LAMA3: variants seen among roughly 807,000 people sequenced by gnomAD.
The protein encoded by LAMA3 is laminin subunit alpha 3, also known as laminin subunit alpha-3.
Under a neutral mutation model 402.0 loss-of-function variants are expected in LAMA3, and 281 were observed. The observed-to-expected ratio is 0.70, with a 90% CI of 0.63 to 0.77. LAMA3 has a LOEUF of 0.77. Among genes scored for constraint, LAMA3 ranks in the 30% least tolerant of loss-of-function variants. The probability of loss-of-function intolerance (pLI) is 0.00; values close to 1 mark genes in which losing one functional copy is unlikely to be tolerated. For synonymous variants in LAMA3, 1,431 were observed against 1,558.4 expected (o/e 0.92, Z 1.93); for missense variants, 3,840 against 4,215.5 (o/e 0.91, Z 2.47).
At position 23,792,754 on chromosome 18, in the gene LAMA3, G is replaced by A. The variant is rs112268364; in HGVS notation, c.1603+8597G>A. On this transcript the variant is annotated intron_variant, in intron 12 of 74. Coordinates refer to ENST00000313654, the MANE Select transcript of LAMA3 (RefSeq NM_198129.4). The stretch of plus-strand genomic sequence containing the variant: ...GCATTGGGAATGGCCTGTACTTAGT[G>A]TACTGGGGCAAGGGATGTGTAGGTG... Among the ~76,000 whole-genome samples the A allele has an allele frequency of 2.2e-3, 340 of 152,266 alleles. 1 individual carries two copies. The highest frequency in any genetic ancestry group is 7.5e-3 in the African/African-American group (311 of 41,550).
chr18:23,953,292 T>A (rs986030572), intron 74 of LAMA3, among the ~76,000 whole-genome samples, 183 bp downstream of exon 74: 14 of 151,376 alleles, frequency 9.2e-5, no homozygotes, highest in African/African-American at 3.2e-4. Flanking sequence ...GCCCCATTAC[T>A]GCTGTTGCCC....
intron 12 of LAMA3, chr18:23,796,077 C>G (rs757744981): frequency 4.5e-6 from 2 of 446,858 alleles, no homozygotes; most frequent in Non-Finnish European, 9.0e-6. Flanking sequence ...TCAGCAGAAA[C>G]TGAACCAGCC....
chr18:23,698,293 G>A (rs893829717), intron 1 of LAMA3, among the ~76,000 whole-genome samples: 8 of 143,604 alleles, frequency 5.6e-5, no homozygotes, highest in East Asian at 2.2e-4. Context: ...TGCGAGCTCC[G>A]CCTCCCGGGT....
chr18:23,894,437 A>G, intron 43 of LAMA3, 89 bp downstream of exon 43: 7 of 1,160,828 alleles, frequency 6.0e-6, no homozygotes, highest in Admixed American at 1.7e-5. Context: ...TGCAGTTTCC[A>G]GTCTGGGAAA....
In LAMA3 at chr18:23,882,179, GAA is replaced by G. The variant is rs1190962180; in HGVS notation, c.5222+137_5222+138del. 4.3e-6 allele frequency: 3 copies of G among 703,774 alleles called. No individual in the cohort carries two copies. In the African/African-American group the frequency reaches 5.2e-5, roughly 12 times the overall value. The allele number at this position is 703,774 out of a possible 1,614,324, so 43.6% of individuals were successfully genotyped here. A position where few individuals can be genotyped will look rare whatever the true frequency, so the allele number is the denominator to read the frequency against. ...GTCTGGGATTTCTTTTTGAAGGGAT[GAA>G]AACATTTTCAAATTGATTGTGGTGG... On this transcript the variant is annotated intron_variant, in intron 40 of 74. Coordinates refer to ENST00000313654, the MANE Select transcript of LAMA3 (RefSeq NM_198129.4).
chr18:23,706,529 T>TC (rs750378724), intron 1 of LAMA3, among the ~76,000 whole-genome samples: 5 of 152,318 alleles, frequency 3.3e-5, no homozygotes, highest in Non-Finnish European at 7.3e-5. Flanking sequence ...TCTGCCTTGA[T>TC]CACTAATGAT....
intron 1 of LAMA3, among the ~76,000 whole-genome samples, chr18:23,692,302 T>C (rs1049613471): frequency 5.9e-5 from 9 of 152,214 alleles, no homozygotes; most frequent in Non-Finnish European, 1.3e-4. Flanking sequence ...ACGAAGTCTC[T>C]CTCGTCTCTC....
At chr18:23,900,570 A>G (rs2081038552) in intron 47 of LAMA3, among the ~76,000 whole-genome samples, 1 of 152,244 alleles carries the variant, frequency 6.6e-6, no homozygotes, top group African/African-American at 2.4e-5. Context: ...AACAGAATAC[A>G]TCAAAAGGTT....
intron 2 of LAMA3, among the ~76,000 whole-genome samples, chr18:23,716,718 G>A (rs1229502623): frequency 6.6e-6 from 1 of 152,180 alleles, no homozygotes; most frequent in East Asian, 1.9e-4. Context: ...TATGCATAAG[G>A]CCTGTGTCCA....
intron 63 of LAMA3, 138 bp downstream of exon 63, chr18:23,928,378 T>C: frequency 2.7e-6 from 2 of 751,708 alleles, no homozygotes; most frequent in Non-Finnish European, 4.7e-6. Context: ...ACTCCCCATG[T>C]GCTTGCAAGA....
At chr18:23,734,369 C>T (rs1249555259) in intron 2 of LAMA3, among the ~76,000 whole-genome samples, 2 of 152,232 alleles carry the variant, frequency 1.3e-5, no homozygotes, top group African/African-American at 4.8e-5. Context: ...CAGCCTCCAT[C>T]AGTTTGTGTC....
intron 2 of LAMA3, among the ~76,000 whole-genome samples, chr18:23,722,241 C>T (rs1222276078): frequency 6.6e-6 from 1 of 152,192 alleles, no homozygotes; most frequent in Admixed American, 6.5e-5. Flanking sequence ...TGGCTATCTT[C>T]TTTCTGAGAT....
chr18:23,828,426 A>G (rs1598873827), intron 23 of LAMA3, among the ~76,000 whole-genome samples: 1 of 152,186 alleles, frequency 6.6e-6, no homozygotes, highest in African/African-American at 2.4e-5. Flanking sequence ...AACCTAAATG[A>G]TCTTCCCTCT....
chr18:23,826,770 A>G lies in LAMA3; in HGVS notation c.2640A>G (p.Pro880=). 1.3e-6 allele frequency: 2 copies of G among 1,566,418 alleles called. No homozygotes were observed. The highest frequency in any genetic ancestry group is 1.7e-6 in the Non-Finnish European group (2 of 1,153,760). The stretch of plus-strand genomic sequence containing the variant: ...TACTGCAGCTGCCAGTCACAGAACC[A>G]TGTGCCTACGCAGGACCTCCCCAAG... The part of the protein sequence containing the change: ...ASVLQLPVTE[P]CAYAGPPQEN... Residue 880 remains proline (P), a synonymous_variant, in exon 22 of 75, where the codon CCA becomes CCG. Coordinates refer to ENST00000313654, the MANE Select transcript of LAMA3 (RefSeq NM_198129.4).
chr18:23,901,062 G>A lies in LAMA3; in HGVS notation c.6005-65G>A. 4 of 1,423,926 alleles carry A rather than the reference G, an allele frequency of 2.8e-6. No individual in the cohort carries two copies. The South Asian group carries it at 4.7e-5, about 17-fold the overall frequency. The allele number at this position is 1,423,926 out of a possible 1,614,324, so 88.2% of individuals were successfully genotyped here. A position where few individuals can be genotyped will look rare whatever the true frequency, so the allele number is the denominator to read the frequency against. On this transcript the variant is annotated intron_variant, in intron 47 of 74. Transcript: ENST00000313654. ...GTAGAAACTCGATTCTCCCTTTGTA[G>A]TTTTTATAACCCAGCTTCAGTATGC... is the stretch of plus-strand genomic sequence containing the variant.
chr18:23,748,074 C>G lies in LAMA3; in HGVS notation c.565+14C>G, dbSNP rs755665201. ...AATATTTTGCTCGTAAGTAATCTTGCCTACCATGTTATGCATGGCTTTAAT... is the reference window on the plus strand; with the variant it reads ...AATATTTTGCTCGTAAGTAATCTTGGCTACCATGTTATGCATGGCTTTAAT... On this transcript the variant is annotated intron_variant, in intron 3 of 74. Coordinates refer to ENST00000313654, the MANE Select transcript of LAMA3 (RefSeq NM_198129.4). The G allele has an allele frequency of 7.3e-7, 1 of 1,363,922 alleles. No homozygotes were observed. 84.5% of individuals were successfully genotyped at this position (1,363,922 alleles called of 1,614,324 possible).
chr18:23,847,401 G>C, intron 31 of LAMA3, 63 bp from the exon 32 acceptor site: 1 of 1,539,186 alleles, frequency 6.5e-7, no homozygotes, highest in Admixed American at 1.7e-5. Flanking sequence ...GCAGTTGGTG[G>C]AGTGCTGCTG....
chr18:23,941,384 T>C (rs569197506), intron 68 of LAMA3, among the ~76,000 whole-genome samples: 2 of 139,042 alleles, frequency 1.4e-5, no homozygotes, highest in Admixed American at 1.6e-4. Context: ...AGTTACCAAC[T>C]TCTAACGATT....
chr18:23,767,878 A>G (rs1342031969), intron 8 of LAMA3, among the ~76,000 whole-genome samples: 4 of 152,070 alleles, frequency 2.6e-5, no homozygotes, highest in Non-Finnish European at 4.4e-5. Flanking sequence ...TGGCAAGGAA[A>G]GGTCTTTCTA....
Sources: allele counts gnomAD v4.1 joint callset (sites outside exome capture counted in the v4.1 genomes callset), GRCh38; gene constraint gnomAD v4.1.1; transcripts MANE v1.5; gene names NCBI Gene and HGNC (gene_info 2026-07-23, HGNC 2026-07-21).